The following CELF2 variants were observed in gnomAD, a reference collection of about 807,000 sequenced individuals.
CELF2 encodes CUGBP Elav-like family member 2, also known as CUG triplet repeat RNA-binding protein 2.
In CELF2, 8 loss-of-function variants were observed where a neutral mutation model predicts 62.6. That is an observed-to-expected ratio of 0.13 (90% CI 0.07 to 0.23). The LOEUF (loss-of-function observed/expected upper bound fraction) is 0.23, where lower values mean the gene tolerates loss of function less well. Ranked by LOEUF, CELF2 falls within the 10% of genes least tolerant of loss-of-function variation. The pLI, the probability that CELF2 is intolerant of heterozygous loss-of-function variation, is 1.00. For synonymous variants in CELF2, 258 were observed against 250.0 expected (o/e 1.03, Z -0.30); for missense variants, 333 against 671.0 (o/e 0.50, Z 5.56).
chr10:10,495,310 A>G, the CELF2 span, among the ~76,000 whole-genome samples: 2 of 152,160 alleles, frequency 1.3e-5, no homozygotes, highest in Non-Finnish European at 2.9e-5. Flanking sequence ...AAACAAGAAC[A>G]TCAAAAAGAG....
chr10:10,910,535 A>T (rs12253109), intron 1 of CELF2, among the ~76,000 whole-genome samples: 12,644 of 151,876 alleles, frequency 0.083, 1,117 homozygotes, highest in African/African-American at 0.22. Context: ...TCTATACTAA[A>T]AAATACAAAA....
the CELF2 span, among the ~76,000 whole-genome samples, chr10:10,587,083 G>C: frequency 6.6e-6 from 1 of 152,056 alleles, no homozygotes; most frequent in Non-Finnish European, 1.5e-5. Context: ...GCCCAGAGAG[G>C]GTTTGTCCTA....
intron 1 of CELF2, among the ~76,000 whole-genome samples, chr10:11,052,930 CTTCTTGT>C (rs1352638334): frequency 6.6e-6 from 1 of 152,190 alleles, no homozygotes; most frequent in Non-Finnish European, 1.5e-5. Flanking sequence ...CTTTTCAGAG[CTTCTTGT>C]CCTTAGAGTG....
chr10:10,688,775 G>A, the CELF2 span, among the ~76,000 whole-genome samples: 33 of 152,068 alleles, frequency 2.2e-4, no homozygotes, highest in South Asian at 2.1e-4. Flanking sequence ...AGAGACAAGA[G>A]TGTCACTTGA....
At chr10:11,136,069 T>A (rs2060389531) in intron 1 of CELF2, among the ~76,000 whole-genome samples, 1 of 152,190 alleles carries the variant, frequency 6.6e-6, no homozygotes, top group South Asian at 2.1e-4. Flanking sequence ...CAAAAACAGA[T>A]GCAGAACCTG....
At chr10:11,279,678 A>G (rs551854607) in intron 8 of CELF2, among the ~76,000 whole-genome samples, 27 of 152,378 alleles carry the variant, frequency 1.8e-4, no homozygotes, top group African/African-American at 6.2e-4. Flanking sequence ...GCTATGAACA[A>G]TAAGACACAA....
rs1365598094 is a variant in CELF2, at chr10:11,315,682, T to C, written c.1096+1424T>C. The stretch of plus-strand genomic sequence containing the variant: ...CGGCTCGTGATTAGCGTGGAGCCCG[T>C]GAAGTGGTAGCTGTGCCGCGGCCTC... On this transcript the variant is annotated intron_variant, in intron 10 of 12. Coordinates refer to ENST00000633077, the MANE Select transcript of CELF2 (RefSeq NM_001326342.2). The surrounding 1 kb of genome is among the most constrained non-coding windows in gnomAD (Gnocchi z 5.8). Among the ~76,000 whole-genome samples, 2 of 152,158 alleles carry C rather than the reference T, an allele frequency of 1.3e-5. No homozygotes were observed. The highest frequency in any genetic ancestry group is 4.8e-5 in the African/African-American group (2 of 41,428).
chr10:11,271,181 G>C (rs10795855), intron 7 of CELF2, among the ~76,000 whole-genome samples: 1 of 152,156 alleles, frequency 6.6e-6, no homozygotes, highest in South Asian at 2.1e-4. Context: ...CAGGACCTCA[G>C]GTGAAATCTC....
At position 11,329,329 on chromosome 10, in the gene CELF2, CTTTTTT is replaced by C. The variant is rs3214728; in HGVS notation, c.*280_*285del. ...TTTTGCGATTTGAATCTCCTTTTAC[CTTTTTT>C]TTTAATTTTTTTCATTTTTGCTTTT... On this transcript the variant is annotated 3_prime_UTR_variant, in exon 13 of 13. Coordinates refer to ENST00000633077, the MANE Select transcript of CELF2 (RefSeq NM_001326342.2). This position sits in a 1 kb window ranked among gnomAD's most constrained non-coding sequence, Gnocchi z 5.5. 4.3e-6 allele frequency: 1 copy of C among 234,266 alleles called. No homozygotes were observed. The highest frequency in any genetic ancestry group is 2.3e-5 in the African/African-American group (1 of 43,894). The allele number at this position is 234,266 out of a possible 1,614,324, so 14.5% of individuals were successfully genotyped here.
At chr10:11,238,538 T>C (rs2072465352) in intron 3 of CELF2, among the ~76,000 whole-genome samples, 1 of 152,194 alleles carries the variant, frequency 6.6e-6, no homozygotes, top group Non-Finnish European at 1.5e-5. Context: ...GCTTCTTATA[T>C]CACAAAGGTG....
chr10:10,463,871 T>C, the CELF2 span, among the ~76,000 whole-genome samples: 2 of 152,004 alleles, frequency 1.3e-5, no homozygotes, highest in African/African-American at 4.8e-5. Context: ...TTTTTTGTCC[T>C]TTGGTTTTGA....
In CELF2 at chr10:10,990,841, C is replaced by A. The variant is rs1036398481; in HGVS notation, c.89+70842C>A. ...TGGTTTGGGTATCATTTGGGGTAAC[C>A]TGTGTTCTCAGTGGCTTTCCATAAC... On this transcript the variant is annotated intron_variant, in intron 2 of 13. Coordinates refer to the CELF2 transcript ENST00000636488. This position sits in a 1 kb window ranked among gnomAD's most constrained non-coding sequence, Gnocchi z 4.6. 5.9e-5 allele frequency among the ~76,000 whole-genome samples: 9 copies of A among 152,096 alleles called. No individual in the cohort carries two copies. Among genetic ancestry groups the A allele is most frequent in the African/African-American group, 2.2e-4 (9 of 41,404 alleles).
intron 2 of CELF2, among the ~76,000 whole-genome samples, chr10:10,986,814 C>G (rs114210644): frequency 2.0e-5 from 3 of 152,112 alleles, no homozygotes; most frequent in African/African-American, 7.2e-5. Context: ...TAAACATTAG[C>G]GTCAGCACTA....
chr10:10,651,596 C>G, the CELF2 span, among the ~76,000 whole-genome samples: 1 of 143,264 alleles, frequency 7.0e-6, no homozygotes. Flanking sequence ...GGGAGGCACC[C>G]CCCAGCAGGG....
Position 11,217,235 on chromosome 10 carries a change from C to G in CELF2, c.272-190C>G, listed in dbSNP as rs2063587356. Among the ~76,000 whole-genome samples the G allele has an allele frequency of 6.6e-6, 1 of 152,166 alleles. No individual in the cohort carries two copies. The highest frequency in any genetic ancestry group is 2.4e-5 in the African/African-American group (1 of 41,430). ...GAATTGATCTCCAACGTGGGTAAAG[C>G]TAATAAATATGATTTAGGATGAAAA... On this transcript the variant is annotated intron_variant, in intron 2 of 12. Transcript: ENST00000633077. The surrounding 1 kb of genome is among the most constrained non-coding windows in gnomAD (Gnocchi z 5.6).
intron 1 of CELF2, among the ~76,000 whole-genome samples, chr10:10,872,407 G>C (rs2060807629): frequency 6.6e-6 from 1 of 152,192 alleles, no homozygotes. Flanking sequence ...GAAGTTCAAA[G>C]AAACGATGTT....
intron 1 of CELF2, among the ~76,000 whole-genome samples, chr10:10,812,147 G>A (rs951389755): frequency 6.6e-6 from 1 of 152,152 alleles, no homozygotes; most frequent in Non-Finnish European, 1.5e-5. Context: ...AGAAAAATAG[G>A]TTTAATGAAC....
At chr10:10,942,366 G>A (rs1293014590) in intron 2 of CELF2, among the ~76,000 whole-genome samples, 2 of 152,188 alleles carry the variant, frequency 1.3e-5, no homozygotes, top group East Asian at 1.9e-4. Context: ...AAACTTGACT[G>A]TGGATGGATC....
rs1257289458 is a variant in CELF2 at position 11,177,351 on chromosome 10, T to C, written c.271+11669T>C. Among the ~76,000 whole-genome samples the C allele has an allele frequency of 6.6e-6, 1 of 152,066 alleles. No homozygotes were observed. Among genetic ancestry groups the C allele is most frequent in the Non-Finnish European group, 1.5e-5 (1 of 68,030 alleles). On this transcript the variant is annotated intron_variant, in intron 2 of 12. Coordinates refer to ENST00000633077, the MANE Select transcript of CELF2 (RefSeq NM_001326342.2). The surrounding 1 kb of genome is among the most constrained non-coding windows in gnomAD (Gnocchi z 4.8). ...TACTTTCTGTGTTGCTTCTTAAATA[T>C]ACTCCTTCAAGTCAGGTTAGCTTAC...
Sources: allele counts gnomAD v4.1 joint callset (sites outside exome capture counted in the v4.1 genomes callset), GRCh38; gene constraint gnomAD v4.1.1; non-coding constraint Gnocchi (gnomAD v3.1); transcripts MANE v1.5; gene names NCBI Gene and HGNC (gene_info 2026-07-23, HGNC 2026-07-21).